The following HKDC1 variants were observed in gnomAD, a reference collection of about 807,000 sequenced individuals.
HKDC1 encodes the protein hexokinase HKDC1.
HKDC1 carries 66 observed loss-of-function variants against 96.6 expected under a neutral mutation model. The observed-to-expected ratio is 0.68, with a 90% confidence interval of 0.56 to 0.84. The LOEUF (loss-of-function observed/expected upper bound fraction) is 0.84. HKDC1 is among the 40% of genes least tolerant of loss of function. HKDC1 has a pLI of 0.00. For synonymous variants in HKDC1, 466 were observed against 473.1 expected, an observed-to-expected ratio of 0.98 and a Z score of 0.20; for missense variants, 1,211 against 1,208.1, an observed-to-expected ratio of 1.00 and a Z score of -0.04.
At chr10:69,237,572 G>T (rs1843382092) in intron 4 of HKDC1, among the ~76,000 whole-genome samples, 1 of 152,142 alleles carries the variant, frequency 6.6e-6, no homozygotes, top group Non-Finnish European at 1.5e-5. Context: ...AAAATGTACA[G>T]TTGTATGTAA....
intron 4 of HKDC1, among the ~76,000 whole-genome samples, chr10:69,236,144 T>C (rs1361936661): frequency 1.3e-5 from 2 of 150,538 alleles, no homozygotes; most frequent in Non-Finnish European, 3.0e-5. Flanking sequence ...TTTTGAGCTC[T>C]GTCGCCCAGG....
At chr10:69,224,283 A>T (rs1409957696) in intron 1 of HKDC1, among the ~76,000 whole-genome samples, 1 of 151,842 alleles carries the variant, frequency 6.6e-6, no homozygotes, top group Non-Finnish European at 1.5e-5. Flanking sequence ...TTATTTATTT[A>T]TTTTTTATTA....
chr10:69,250,593 G>A lies in HKDC1; in HGVS notation c.1777G>A (p.Ala593Thr). The A allele has an allele frequency of 1.2e-6, 2 of 1,614,070 alleles. No individual in the cohort carries two copies. Among genetic ancestry groups the A allele is most frequent in the Non-Finnish European group, 1.7e-6 (2 of 1,180,014 alleles). Residue 593 changes from alanine to threonine, a missense_variant, in exon 12 of 18, where the codon GCC becomes ACC. Physicochemically the swap from Ala to Thr is moderately conservative, Grantham distance 58. Transcript: ENST00000354624. ...DFLDYMGLKG[A>T]SLPLGFTFSF... ...CCTGGACTACATGGGCCTCAAGGGA[G>A]CCTCCCTACCTTTGGGCTTCACATT...
intron 12 of HKDC1, among the ~76,000 whole-genome samples, chr10:69,252,417 G>A (rs1288275678): frequency 2.6e-5 from 4 of 152,058 alleles, no homozygotes; most frequent in Admixed American, 6.6e-5. Context: ...AGGCCAAGAC[G>A]GGTGGATCAC....
chr10:69,255,042 G>T (rs77380489), intron 12 of HKDC1, among the ~76,000 whole-genome samples: 1 of 152,160 alleles, frequency 6.6e-6, no homozygotes, highest in Non-Finnish European at 1.5e-5. Flanking sequence ...TACACCATCC[G>T]GGAGGGTGCC....
At chr10:69,222,617 G>C (rs1389175987) in intron 1 of HKDC1, among the ~76,000 whole-genome samples, 2 of 152,198 alleles carry the variant, frequency 1.3e-5, no homozygotes, top group South Asian at 2.1e-4. Context: ...CCCTGGTGCA[G>C]GCTCAGGAGC....
intron 1 of HKDC1, among the ~76,000 whole-genome samples, chr10:69,223,550 A>ATTC (rs1843100454): frequency 6.6e-6 from 1 of 150,626 alleles, no homozygotes; most frequent in South Asian, 2.1e-4. Flanking sequence ...TCGAATATCC[A>ATTC]GAGTTGTGTA....
At chr10:69,232,469 C>T (rs992725226) in intron 2 of HKDC1, 8 of 375,688 alleles carry the variant, frequency 2.1e-5, no homozygotes, top group Admixed American at 8.4e-5. Context: ...CTCATACCAC[C>T]GCAAGGGCTG....
rs778026405 is a variant in HKDC1 at position 69,240,660 on chromosome 10, C to T, written c.600C>T (p.Asp200=). ...TKAMRRHKDM[D]VDILALVNDT... is the part of the protein sequence containing the mutation. ...GGCCTTGTGTTCGGCAGGACATGGA[C>T]GTGGACATCCTGGCCCTGGTCAATG... Residue 200 remains aspartate (D), a synonymous_variant, in exon 6 of 18, where the codon GAC becomes GAT. Transcript: ENST00000354624. The T allele has an allele frequency of 9.9e-6, 16 of 1,613,694 alleles. No individual in the cohort carries two copies. Among genetic ancestry groups the T allele is most frequent in the Middle Eastern group, 1.6e-4 (1 of 6,062 alleles).
rs768474553 is a variant in HKDC1 at position 69,247,528 on chromosome 10, C to T, written c.1200C>T (p.Asn400=). The part of the protein sequence containing the change: ...LAAILTRLRE[N]KKVERLRTTV... ...CCATCCTGACACGCCTCCGGGAGAA[C>T]AAGAAGGTGGAACGGCTCCGGACCA... Residue 400 remains asparagine (N), a synonymous_variant, in exon 9 of 18, where the codon AAC becomes AAT. Coordinates refer to ENST00000354624, the MANE Select transcript of HKDC1 (RefSeq NM_025130.4). 8.7e-6 allele frequency: 14 copies of T among 1,614,054 alleles called. No individual in the cohort carries two copies. The South Asian group carries it at 1.5e-4, about 18-fold the overall frequency.
chr10:69,221,949 T>C (rs992466441), intron 1 of HKDC1, among the ~76,000 whole-genome samples: 1 of 149,936 alleles, frequency 6.7e-6, no homozygotes, highest in Non-Finnish European at 1.5e-5. Flanking sequence ...AGGCCAAGGA[T>C]GGTGGCTCAT....
At chr10:69,264,127 A>G (rs1843852342) in intron 16 of HKDC1, among the ~76,000 whole-genome samples, 1 of 152,002 alleles carries the variant, frequency 6.6e-6, no homozygotes, top group Admixed American at 6.6e-5. Flanking sequence ...CCTGGGCAAC[A>G]AGAGTGAAAC....
At chr10:69,228,708 A>G (rs900492309) in intron 2 of HKDC1, among the ~76,000 whole-genome samples, 10 of 152,126 alleles carry the variant, frequency 6.6e-5, no homozygotes, top group Non-Finnish European at 1.5e-4. Flanking sequence ...TCTACTAAAA[A>G]TACAACAATT....
At chr10:69,232,643 C>T (rs1843284419) in intron 2 of HKDC1, 121 bp from the exon 3 acceptor site, 2 of 917,134 alleles carry the variant, frequency 2.2e-6, no homozygotes, top group African/African-American at 1.6e-5. Context: ...GGCAAATGAG[C>T]ATAATGATAC....
chr10:69,233,250 T>A, intron 4 of HKDC1, 117 bp downstream of exon 4: 4 of 1,423,582 alleles, frequency 2.8e-6, no homozygotes, highest in Non-Finnish European at 3.8e-6. Flanking sequence ...TGTCTTTTTC[T>A]TTTCTTTTTG....
intron 2 of HKDC1, 136 bp downstream of exon 2, chr10:69,227,505 C>A: frequency 1.1e-6 from 1 of 906,858 alleles, no homozygotes; most frequent in Non-Finnish European, 1.7e-6. Context: ...CTGCCCCTCT[C>A]TGCTTCAGTC....
At chr10:69,231,434 C>G (rs1843258121) in intron 2 of HKDC1, among the ~76,000 whole-genome samples, 1 of 152,156 alleles carries the variant, frequency 6.6e-6, no homozygotes, top group South Asian at 2.1e-4. Flanking sequence ...AGCACACTCA[C>G]TCTTAGCGGA....
intron 8 of HKDC1, 73 bp from the exon 9 acceptor site, chr10:69,247,287 A>G: frequency 5.1e-6 from 5 of 979,344 alleles, no homozygotes; most frequent in Non-Finnish European, 6.6e-6. Flanking sequence ...TGAGAGGTGG[A>G]GAAGCTTGTT....
At chr10:69,226,943 T>A (rs1254692727) in intron 1 of HKDC1, among the ~76,000 whole-genome samples, 3 of 152,176 alleles carry the variant, frequency 2.0e-5, no homozygotes, top group Non-Finnish European at 4.4e-5. Flanking sequence ...ATCAGAATAA[T>A]GGGAGAATCA....
Sources: allele counts gnomAD v4.1 joint callset (sites outside exome capture counted in the v4.1 genomes callset), GRCh38; gene constraint gnomAD v4.1.1; transcripts MANE v1.5; gene names NCBI Gene and HGNC (gene_info 2026-07-23, HGNC 2026-07-21).